The following PTPN20 variants were observed in gnomAD, a reference collection of about 807,000 sequenced individuals.
PTPN20 encodes the protein protein tyrosine phosphatase non-receptor type 20.
In PTPN20, 9 loss-of-function variants were observed where a neutral mutation model predicts 35.0. The observed-to-expected ratio is 0.26, with a 90% CI of 0.15 to 0.45. PTPN20 has a LOEUF of 0.45. Among genes scored for constraint, PTPN20 ranks in the 20% least tolerant of loss-of-function variants. The probability of loss-of-function intolerance (pLI) is 1.00; values close to 1 mark genes in which losing one functional copy is unlikely to be tolerated. For missense variants in PTPN20, 111 were observed against 312.5 expected, an observed-to-expected ratio of 0.36 and a Z score of 4.86; for synonymous variants, 32 against 100.2, an observed-to-expected ratio of 0.32 and a Z score of 4.06.
At chr10:46,991,881 G>A (rs1402255498) in intron 9 of PTPN20, among the ~76,000 whole-genome samples, 1 of 152,114 alleles carries the variant, frequency 6.6e-6, no homozygotes, top group Non-Finnish European at 1.5e-5. Flanking sequence ...TGACCTTGGT[G>A]AATCTGTTAA....
At chr10:46,953,379 C>A (rs1466119232) in intron 5 of PTPN20, among the ~76,000 whole-genome samples, 1 of 137,018 alleles carries the variant, frequency 7.3e-6, no homozygotes, top group Non-Finnish European at 1.5e-5. Context: ...TTCTTTCTTT[C>A]TTTCTTTCTT....
chr10:46,929,474 A>G (rs1364581744), intron 1 of PTPN20, among the ~76,000 whole-genome samples: 4 of 151,784 alleles, frequency 2.6e-5, no homozygotes, highest in Non-Finnish European at 5.9e-5. Flanking sequence ...CCGAGTGCCT[A>G]TCACTCAAGT....
At chr10:47,002,674 A>G (rs1349557082), downstream of PTPN20, among the ~76,000 whole-genome samples, 1 of 151,922 alleles carries the variant, frequency 6.6e-6, no homozygotes, top group African/African-American at 2.4e-5. Context: ...ATATTTAAAT[A>G]TAAGCATATA....
At chr10:46,940,483 G>C (rs1184941018) in intron 2 of PTPN20, 140 bp from the exon 3 acceptor site, 1 of 846,936 alleles carries the variant, frequency 1.2e-6, no homozygotes, top group South Asian at 1.5e-5. Context: ...TACCATAGGA[G>C]ATAAAGATGG....
intron 5 of PTPN20, among the ~76,000 whole-genome samples, chr10:46,951,642 CTA>C (rs1459300173): frequency 5.9e-5 from 9 of 151,318 alleles, no homozygotes; most frequent in Non-Finnish European, 8.8e-5. Flanking sequence ...GTATAGAAAA[CTA>C]TATTTTCTTT....
intron 5 of PTPN20, among the ~76,000 whole-genome samples, chr10:46,951,083 T>A (rs1195608525): frequency 5.3e-5 from 8 of 151,328 alleles, no homozygotes; most frequent in Non-Finnish European, 1.2e-4. Context: ...GATAGTTAAG[T>A]CAAAGTTTAT....
At chr10:46,940,984 A>C (rs1370885623) in intron 3 of PTPN20, among the ~76,000 whole-genome samples, 1 of 151,732 alleles carries the variant, frequency 6.6e-6, no homozygotes, top group East Asian at 1.9e-4. Flanking sequence ...AATAAATGTC[A>C]CATGAAGTAT....
In PTPN20 at chr10:46,953,293, G is replaced by C. The variant is rs539650900; in HGVS notation, c.340+6618G>C. On this transcript the variant is annotated intron_variant, in intron 5 of 10. Coordinates refer to ENST00000374339, the MANE Select transcript of PTPN20 (RefSeq NM_001042357.5). ...ATACTCATGTTGGTGAATAAACACA[G>C]TTTTATTTTTCTACTTTTCCAATGT... Among the ~76,000 whole-genome samples, 5 of 145,658 alleles carry C rather than the reference G, an allele frequency of 3.4e-5. 1 individual carries two copies. Among genetic ancestry groups the C allele is most frequent in the Admixed American group, 6.7e-5 (1 of 14,916 alleles).
At chr10:46,995,244 C>T (rs2058833823) in intron 9 of PTPN20, among the ~76,000 whole-genome samples, 1 of 151,326 alleles carries the variant, frequency 6.6e-6, no homozygotes, top group African/African-American at 2.4e-5. Context: ...GTTATTTATT[C>T]CAGTGTTCTC....
At chr10:46,966,187 G>C (rs1315419415) in intron 6 of PTPN20, among the ~76,000 whole-genome samples, 1 of 151,304 alleles carries the variant, frequency 6.6e-6, no homozygotes, top group Non-Finnish European at 1.5e-5. Flanking sequence ...CCAAAGTGCT[G>C]GGATTACAGG....
chr10:46,940,734 A>G lies in PTPN20; in HGVS notation c.129+17A>G. 6.3e-7 allele frequency: 1 copy of G among 1,594,054 alleles called. No individual in the cohort carries two copies. Among genetic ancestry groups the G allele is most frequent in the Non-Finnish European group, 8.6e-7 (1 of 1,165,568 alleles). On this transcript the variant is annotated intron_variant, in intron 3 of 10. Transcript: ENST00000374339. ...AGATCAAAGGTAAGACTAAAAGGAGAGGGATCTCTACTAATTTTGGCTAAT... is the reference window on the plus strand; with the variant it reads ...AGATCAAAGGTAAGACTAAAAGGAGGGGGATCTCTACTAATTTTGGCTAAT...
intron 1 of PTPN20, among the ~76,000 whole-genome samples, chr10:46,926,563 GAT>G (rs2132692406): frequency 6.6e-6 from 1 of 151,108 alleles, no homozygotes; most frequent in African/African-American, 2.5e-5. Flanking sequence ...TAGAAAGTGA[GAT>G]ATAACTAAGA....
chr10:46,993,901 G>C (rs1245554725), intron 9 of PTPN20, among the ~76,000 whole-genome samples: 1 of 152,054 alleles, frequency 6.6e-6, no homozygotes, highest in Non-Finnish European at 1.5e-5. Context: ...GCCTTGAAAA[G>C]TTTTCTTTTT....
chr10:46,932,627 T>C, intron 2 of PTPN20, 94 bp downstream of exon 2: 3 of 1,563,350 alleles, frequency 1.9e-6, no homozygotes, highest in Non-Finnish European at 2.6e-6. Context: ...CACCTGTGGA[T>C]TATTATCCTG....
intron 5 of PTPN20, among the ~76,000 whole-genome samples, chr10:46,953,339 C>CT (rs1316642802): frequency 9.0e-5 from 5 of 55,412 alleles, no homozygotes; most frequent in Admixed American, 3.1e-4. Context: ...CATTTCTTTT[C>CT]TTTCTTTCTT....
intron 7 of PTPN20, among the ~76,000 whole-genome samples, chr10:46,977,226 A>G (rs1202484939): frequency 3.3e-5 from 5 of 152,298 alleles, no homozygotes; most frequent in African/African-American, 9.6e-5. Flanking sequence ...TCAAGACTAC[A>G]ATGTCAACTT....
At chr10:46,996,824 C>G (rs1031204962) in intron 9 of PTPN20, among the ~76,000 whole-genome samples, 2 of 152,068 alleles carry the variant, frequency 1.3e-5, no homozygotes, top group African/African-American at 4.8e-5. Flanking sequence ...GTATTCTGTT[C>G]TATTGATTAG....
At chr10:46,931,375 C>T (rs1224380216) in intron 1 of PTPN20, among the ~76,000 whole-genome samples, 1 of 142,034 alleles carries the variant, frequency 7.0e-6, no homozygotes, top group African/African-American at 3.0e-5. Flanking sequence ...TTATCTTTTG[C>T]CTTACTTTCA....
intron 5 of PTPN20, among the ~76,000 whole-genome samples, chr10:46,953,203 A>G (rs1336836340): frequency 1.4e-5 from 2 of 141,100 alleles, no homozygotes; most frequent in African/African-American, 5.9e-5. Flanking sequence ...GTGTCCTTCA[A>G]CCTTCCTAAA....
Sources: gnomAD v4.1 joint callset for allele counts (sites outside exome capture counted in the v4.1 genomes callset) on GRCh38, gnomAD v4.1.1 for gene constraint, MANE v1.5 for transcripts, NCBI Gene and HGNC (gene_info 2026-07-23, HGNC 2026-07-21) for gene names.